MCF2L: variants seen among roughly 807,000 people sequenced by gnomAD.
MCF2L encodes guanine nucleotide exchange factor DBS.
MCF2L carries 97 observed loss-of-function variants against 153.4 expected under a neutral mutation model. That is an observed-to-expected ratio of 0.63 (90% CI 0.54 to 0.75). MCF2L has a LOEUF of 0.75. Ranked by LOEUF, MCF2L falls within the 30% of genes least tolerant of loss-of-function variation. The probability of loss-of-function intolerance (pLI) is 0.00; values close to 1 mark genes in which losing one functional copy is unlikely to be tolerated. For synonymous variants in MCF2L, 659 were observed against 632.2 expected (o/e 1.04, Z -0.64); for missense variants, 1,347 against 1,495.2 (o/e 0.90, Z 1.64).
upstream of MCF2L, among the ~76,000 whole-genome samples, chr13:112,964,369 C>T (rs1406683611): frequency 6.6e-6 from 1 of 152,194 alleles, no homozygotes; most frequent in East Asian, 1.9e-4. Context: ...CCGGGCTGCC[C>T]CCAGGATGGC....
intron 27 of MCF2L, chr13:113,095,944 G>T: frequency 1.9e-6 from 1 of 513,848 alleles, no homozygotes; most frequent in Non-Finnish European, 2.8e-6. Context: ...GAGGAGTGAG[G>T]CTTGGGGAGG....
chr13:112,986,835 G>A (rs1249844694), intron 1 of MCF2L, among the ~76,000 whole-genome samples: 2 of 152,226 alleles, frequency 1.3e-5, no homozygotes, highest in Non-Finnish European at 2.9e-5. Context: ...CCCAACAGTG[G>A]CGCGTACGCT....
At chr13:112,914,010 C>A (rs950082513) in intron 2 of MCF2L, among the ~76,000 whole-genome samples, 1 of 152,192 alleles carries the variant, frequency 6.6e-6, no homozygotes, top group Non-Finnish European at 1.5e-5. Flanking sequence ...CGTAATTCCC[C>A]GTTAGCATCC....
chr13:113,080,199 G>T (rs112567898), intron 15 of MCF2L, among the ~76,000 whole-genome samples: 2 of 107,652 alleles, frequency 1.9e-5, no homozygotes, highest in African/African-American at 3.7e-5. Context: ...GGGGGCATCC[G>T]CACAGAGGAG....
intron 2 of MCF2L, among the ~76,000 whole-genome samples, chr13:112,946,039 G>A (rs1246935842): frequency 1.3e-5 from 2 of 152,122 alleles, no homozygotes; most frequent in African/African-American, 4.8e-5. Flanking sequence ...GGGGTATCAT[G>A]TTTTGAGAAT....
In MCF2L at chr13:113,090,159, A is replaced by G. The variant is rs1003385156; in HGVS notation, c.2953+431A>G. The G allele has an allele frequency of 5.9e-6, 9 of 1,533,042 alleles. No individual in the cohort carries two copies. The African/African-American group carries it at 1.2e-4, about 21-fold the overall frequency. 95.0% of individuals were successfully genotyped at this position (1,533,042 alleles called of 1,614,324 possible). A position where few individuals can be genotyped will look rare whatever the true frequency, so the allele number is the denominator to read the frequency against. On this transcript the variant is annotated intron_variant, in intron 26 of 29. Transcript: ENST00000535094. The stretch of plus-strand genomic sequence containing the variant: ...GTTTTGCTAACCTCAAAGGTCAGAA[A>G]GGTAAAAGTAGTGCCTGCCCCAAAC...
At chr13:112,961,204 G>A (rs1020513566) in intron 2 of MCF2L, among the ~76,000 whole-genome samples, 7 of 152,196 alleles carry the variant, frequency 4.6e-5, no homozygotes, top group African/African-American at 1.7e-4. Context: ...TAAGCTTTCT[G>A]CATATACCAA....
rs982763974 is a variant in MCF2L at position 112,932,313 on chromosome 13, T to A, written c.169+29942T>A. ...TCCAATCATGAGAAGGACGTCAGAG[T>A]TCCAACAGAGGCTTCCAGTATACCT... On this transcript the variant is annotated intron_variant, in intron 2 of 29. Coordinates refer to the MCF2L transcript ENST00000375608. This position sits in a 1 kb window ranked among gnomAD's most constrained non-coding sequence, Gnocchi z 4.6. Among the ~76,000 whole-genome samples, 10 of 151,810 alleles carry A rather than the reference T, an allele frequency of 6.6e-5. No homozygotes were observed. The highest frequency in any genetic ancestry group is 2.4e-4 in the African/African-American group (10 of 41,292).
intron 27 of MCF2L, chr13:113,095,149 T>C: frequency 7.7e-7 from 1 of 1,292,362 alleles, no homozygotes; most frequent in Non-Finnish European, 1.0e-6. Context: ...TGAAAAAACA[T>C]TCATTGTTAA....
rs1443883899 is a variant in MCF2L at position 113,096,894 on chromosome 13, G to A, written c.*35G>A. 7.6e-7 allele frequency: 1 copy of A among 1,318,848 alleles called. No homozygotes were observed. The highest frequency in any genetic ancestry group is 9.7e-7 in the Non-Finnish European group (1 of 1,031,298). 81.7% of individuals were successfully genotyped at this position (1,318,848 alleles called of 1,614,324 possible). On this transcript the variant is annotated 3_prime_UTR_variant, in exon 30 of 30. Coordinates refer to ENST00000535094, the MANE Select transcript of MCF2L (RefSeq NM_001112732.3). ...GGCGCCGGAGACCCGCGCGCTGTCT[G>A]GGGCTGCGGTGGCGTGGGGAGGGCG...
intron 2 of MCF2L, among the ~76,000 whole-genome samples, chr13:112,930,347 A>C (rs1461485971): frequency 6.6e-6 from 1 of 152,214 alleles, no homozygotes; most frequent in African/African-American, 2.4e-5. Flanking sequence ...AGATGATGGA[A>C]TATTACTCAG....
intron 1 of MCF2L, among the ~76,000 whole-genome samples, chr13:112,989,328 G>A (rs1209203250): frequency 7.5e-6 from 1 of 133,538 alleles, no homozygotes; most frequent in Non-Finnish European, 1.6e-5. Flanking sequence ...GAACTACCAC[G>A]CCCGAGTCCT....
At chr13:112,940,778 T>A (rs905152170) in intron 2 of MCF2L, among the ~76,000 whole-genome samples, 7 of 151,618 alleles carry the variant, frequency 4.6e-5, no homozygotes, top group Non-Finnish European at 1.0e-4. Flanking sequence ...TTTGTATATG[T>A]ATGCCAAATA....
In MCF2L at chr13:113,070,158, G is replaced by A. The variant is rs200776921; in HGVS notation, c.981G>A (p.Glu327=). The change falls in exon 9 of 30, where the codon GAG becomes GAA. Residue 327 remains glutamate, a synonymous_variant. Coordinates refer to ENST00000535094, the MANE Select transcript of MCF2L (RefSeq NM_001112732.3). This position sits in a 1 kb window ranked among gnomAD's most constrained non-coding sequence, Gnocchi z 5.6. ...LEQCLQLRHF[E]QGFREVKAIL... ...AGTGTCTGCAGCTCCGGCACTTTGA[G>A]CAGGGCTTCCGGGAGGTGAGTGGCC... The A allele has an allele frequency of 4.7e-5, 75 of 1,600,572 alleles. No homozygotes were observed. The South Asian group carries it at 7.9e-4, about 17-fold the overall frequency.
rs79532590 is a variant in MCF2L, at chr13:113,075,372, A to G, written c.1308+183A>G. ...TCTTTTTCTAGAATTCATTTGCCAC[A>G]GTTTTATTTCTTTTTTTTTTTTTTT... On this transcript the variant is annotated intron_variant, in intron 11 of 29. Coordinates refer to ENST00000535094, the MANE Select transcript of MCF2L (RefSeq NM_001112732.3). 8.9e-3 allele frequency among the ~76,000 whole-genome samples: 1,241 copies of G among 139,372 alleles called. 19 individuals are homozygous for G. Among genetic ancestry groups the G allele is most frequent in the African/African-American group, 0.03 (1,161 of 39,100 alleles). 91.4% of individuals were successfully genotyped at this position (139,372 alleles called of 152,430 possible).
rs570837352 is a variant in MCF2L at position 112,996,650 on chromosome 13, C to T, written c.80-18113C>T. Among the ~76,000 whole-genome samples the T allele has an allele frequency of 4.1e-3, 626 of 152,298 alleles. 3 individuals are homozygous for T. Among genetic ancestry groups the T allele is most frequent in the African/African-American group, 0.014 (587 of 41,572 alleles). On this transcript the variant is annotated intron_variant, in intron 1 of 29. Coordinates refer to ENST00000535094, the MANE Select transcript of MCF2L (RefSeq NM_001112732.3). ...GCTCCTCAGGTGTGCCCCACGGGCC[C>T]GGGAATGTCCTTCTTGGATGCGCCC...
At chr13:112,906,889 G>A (rs9603801) in intron 2 of MCF2L, among the ~76,000 whole-genome samples, 55 of 152,294 alleles carry the variant, frequency 3.6e-4, no homozygotes, top group African/African-American at 1.3e-3. Flanking sequence ...AGTGATTTTC[G>A]TCCCAGCAAA....
At chr13:112,977,942 C>T (rs184211100) in intron 1 of MCF2L, among the ~76,000 whole-genome samples, 49 of 152,216 alleles carry the variant, frequency 3.2e-4, no homozygotes, top group African/African-American at 1.1e-3. Flanking sequence ...GGTGTGGTGG[C>T]GGGGGTCTGT....
At position 112,982,010 on chromosome 13, in the gene MCF2L, A is replaced by G. The variant is rs556807807; in HGVS notation, c.79+12552A>G. On this transcript the variant is annotated intron_variant, in intron 1 of 29. Transcript: ENST00000535094. Reference sequence around the variant, plus strand: ...CGGTCAGGGCTGGGGGAAGATGCTCAGCTCATGTTGGACCTGAAGGTTGTG... The same window carrying G: ...CGGTCAGGGCTGGGGGAAGATGCTCGGCTCATGTTGGACCTGAAGGTTGTG... 5.3e-5 allele frequency among the ~76,000 whole-genome samples: 8 copies of G among 152,302 alleles called. No homozygotes were observed. In the South Asian group the frequency reaches 1.7e-3, roughly 32 times the overall value.
Sources: allele counts gnomAD v4.1 joint callset (sites outside exome capture counted in the v4.1 genomes callset), GRCh38; gene constraint gnomAD v4.1.1; non-coding constraint Gnocchi (gnomAD v3.1); transcripts MANE v1.5; gene names NCBI Gene and HGNC (gene_info 2026-07-23, HGNC 2026-07-21).